Variants in ADAR observed in about 807,000 individuals in gnomAD.
ADAR encodes adenosine deaminase RNA specific.
A neutral mutation model predicts 113.2 loss-of-function variants in ADAR; 41 were observed. The ratio of observed to expected loss-of-function variants is 0.36; its 90% CI spans 0.28 to 0.47. The LOEUF is 0.47. Among genes scored for constraint, ADAR ranks in the 20% least tolerant of loss-of-function variants. The pLI is 1.00. For synonymous variants in ADAR, 605 were observed against 572.6 expected, an observed-to-expected ratio of 1.06 and a Z score of -0.81; for missense variants, 1,242 against 1,540.9, an observed-to-expected ratio of 0.81 and a Z score of 3.25.
Position 154,601,680 on chromosome 1 carries a change from T to C in ADAR, c.962A>G (p.Asn321Ser), listed in dbSNP as rs760376737. ...SDSSALNLAK[N>S]IGLTKARDIN... ...ATCTCGGGCCTTGGTAAGGCCAATA[T>C]TTTTAGCCAAATTCAGGGCAGAGGA... The change falls in exon 2 of 15, where the codon AAT (asparagine) becomes AGT (serine). Residue 321 changes from asparagine to serine, a missense_variant. Asn to Ser is a conservative substitution (Grantham distance 46). Around this residue, in one of 2 missense-constraint regions of ADAR, gnomAD observed 462 missense variants for 483.1 expected, o/e 0.96. Transcript: ENST00000368474. The surrounding 1 kb of genome is among the most constrained non-coding windows in gnomAD (Gnocchi z 4.7). 6.2e-5 allele frequency: 100 copies of C among 1,614,198 alleles called. No individual in the cohort carries two copies. Among genetic ancestry groups the C allele is most frequent in the Middle Eastern group, 1.6e-4 (1 of 6,062 alleles).
chr1:154,627,914 A>AGCCTCCCCCCCCCCCCC, exon 1 of ADAR: 5 of 463,270 alleles, frequency 1.1e-5, no homozygotes, highest in East Asian at 6.7e-5. Flanking sequence ...TGCGGCCGCG[A>AGCCTCCCCCCCCCCCCC]CCCTCCCCCC....
chr1:154,597,836 A>G lies in ADAR; in HGVS notation c.1926T>C (p.His642=), dbSNP rs150171059. The change falls in exon 4 of 15, where the codon CAT becomes CAC. Residue 642 remains histidine (H), a synonymous_variant. Coordinates refer to ENST00000368474, the MANE Select transcript of ADAR (RefSeq NM_001111.5). The part of the protein sequence containing the change: ...FRLLSKEGPA[H]EPKFQYCVAV... ...GGACACGTAGGACATACTTGGGTTC[A>G]TGGGCAGGGCCTTCTTTGGACAGGA... 2,670 of 1,614,142 alleles carry G rather than the reference A, an allele frequency of 1.7e-3. 9 individuals are homozygous for G. Among genetic ancestry groups the G allele is most frequent in the Middle Eastern group, 3.5e-3 (21 of 6,046 alleles).
At chr1:154,603,199 G>A (rs760423009) in intron 1 of ADAR, among the ~76,000 whole-genome samples, 1 of 152,200 alleles carries the variant, frequency 6.6e-6, no homozygotes, top group South Asian at 2.1e-4. Flanking sequence ...AATGTGATTG[G>A]ATGAAACTGA....
At position 154,596,806 on chromosome 1, in the gene ADAR, T is replaced by C. The variant is rs1358481822; in HGVS notation, c.2269A>G (p.Lys757Glu). Residue 757 changes from lysine to glutamate, a missense_variant and splice_region_variant, in exon 6 of 15, where the codon AAG becomes GAG. Coordinates refer to ENST00000368474, the MANE Select transcript of ADAR (RefSeq NM_001111.5). ...ATTAGCCAGGACTAGGACACTCACT[T>C]GGGCTCGTGAGGAGGTCCGGACTGG... ...VDQSGPPHEPKFVYQAKVGGR... is the reference protein window; with the variant it reads ...VDQSGPPHEPEFVYQAKVGGR... The C allele has an allele frequency of 6.2e-7, 1 of 1,612,920 alleles. No individual in the cohort carries two copies. The highest frequency in any genetic ancestry group is 8.5e-7 in the Non-Finnish European group (1 of 1,180,010).
At chr1:154,624,673 T>G (rs933908424) in intron 1 of ADAR, among the ~76,000 whole-genome samples, 3 of 152,240 alleles carry the variant, frequency 2.0e-5, no homozygotes, top group African/African-American at 7.2e-5. Context: ...TATTTTGAAC[T>G]CTTTATCCCT....
chr1:154,615,037 C>T (rs115163272), intron 1 of ADAR, among the ~76,000 whole-genome samples: 229 of 152,276 alleles, frequency 1.5e-3, no homozygotes, highest in African/African-American at 5.2e-3. Flanking sequence ...GCGACGCAGC[C>T]GCAACACAAG....
At position 154,584,779 on chromosome 1, in the gene ADAR, C is replaced by T. The variant is rs750890302; in HGVS notation, c.*27G>A. ...CTCTCTCACACCCTAGTATGACACA[C>T]CCTAATCCATCTGTCACTGGAGCAT... On this transcript the variant is annotated 3_prime_UTR_variant, in exon 15 of 15. Coordinates refer to ENST00000368474, the MANE Select transcript of ADAR (RefSeq NM_001111.5). The T allele has an allele frequency of 1.0e-5, 16 of 1,576,698 alleles. No individual in the cohort carries two copies. The highest frequency in any genetic ancestry group is 1.4e-5 in the Non-Finnish European group (16 of 1,147,034).
At position 154,601,241 on chromosome 1, in the gene ADAR, G is replaced by A. The variant is rs765068066; in HGVS notation, c.1401C>T (p.Arg467=). 66 of 1,614,226 alleles carry A rather than the reference G, an allele frequency of 4.1e-5. No individual in the cohort carries two copies. The highest frequency in any genetic ancestry group is 1.8e-4 in the East Asian group (8 of 44,888). ...TGGCTCGAAACTCACCTGGTGCTGC[G>A]CGGATACTATTCAAGTCATCTGGGA... The part of the protein sequence containing the change: ...DDIPDDLNSI[R]AAPGEFRAIM... Residue 467 remains arginine (R), a synonymous_variant, in exon 2 of 15, where the codon CGC becomes CGT. Transcript: ENST00000368474. This position sits in a 1 kb window ranked among gnomAD's most constrained non-coding sequence, Gnocchi z 4.7.
intron 8 of ADAR, 141 bp downstream of exon 8, chr1:154,589,616 A>C: frequency 8.1e-7 from 1 of 1,238,440 alleles, no homozygotes; most frequent in African/African-American, 1.5e-5. Context: ...CTAAGAACTC[A>C]TTCCTCACTC....
upstream of ADAR, chr1:154,608,652 A>G (rs1205229411): frequency 6.6e-6 from 1 of 152,466 alleles, no homozygotes; most frequent in Non-Finnish European, 1.5e-5. Context: ...GGTACTGTTT[A>G]GGAAAACCGC....
At position 154,597,287 on chromosome 1, in the gene ADAR, G is replaced by A. The variant is rs17843867; in HGVS notation, c.1935-20C>T. 735 of 1,614,024 alleles carry A rather than the reference G, an allele frequency of 4.6e-4. 8 individuals carry two copies. The East Asian group carries it at 0.015, about 32-fold the overall frequency. ...TGGAACCTGACAGGAGATGAAGCAC[G>A]TAGAAGGATTAAAATGGTTTTGACT... On this transcript the variant is annotated intron_variant, in intron 4 of 14. Coordinates refer to ENST00000368474, the MANE Select transcript of ADAR (RefSeq NM_001111.5).
chr1:154,589,104 T>C (rs773210077), intron 9 of ADAR, among the ~76,000 whole-genome samples: 10 of 152,220 alleles, frequency 6.6e-5, no homozygotes, highest in Non-Finnish European at 1.5e-4. Flanking sequence ...TTTGTGTTTT[T>C]AGAAAAGAAC....
In ADAR at chr1:154,602,343, C is replaced by G. The variant is rs753665712; in HGVS notation, c.299G>C (p.Arg100Thr). The G allele has an allele frequency of 4.3e-6, 7 of 1,610,164 alleles. No individual in the cohort carries two copies. In the South Asian group the frequency reaches 7.7e-5, roughly 18 times the overall value. ...GAACCCTCTCTGGAGCCCCTGACTT[C>G]TGAGATGCACGCCCCTGGGGACACC... ...IRGVPRGVHL[R>T]SQGLQRGFQH... Residue 100 changes from arginine (R) to threonine (T), a missense_variant, in exon 2 of 15, where the codon AGA becomes ACA. Physicochemically the swap from Arg to Thr is moderately conservative, Grantham distance 71. Around this residue, in one of 2 missense-constraint regions of ADAR, gnomAD observed 462 missense variants for 483.1 expected, o/e 0.96. Transcript: ENST00000368474.
Position 154,606,539 on chromosome 1 carries a change from T to C in ADAR, c.15+1453A>G, listed in dbSNP as rs527553301. On this transcript the variant is annotated intron_variant, in intron 1 of 14. Coordinates refer to ENST00000368474, the MANE Select transcript of ADAR (RefSeq NM_001111.5). ...ACAGAGAAAAGAAAGGAGATGTAAG[T>C]TTGCTAAGGATATCTTAGGGCAGTA... 2.0e-5 allele frequency among the ~76,000 whole-genome samples: 3 copies of C among 152,234 alleles called. No homozygotes were observed. The East Asian group carries it at 5.8e-4, about 29-fold the overall frequency.
intron 10 of ADAR, 81 bp downstream of exon 10, chr1:154,588,470 T>C: frequency 6.3e-7 from 1 of 1,591,348 alleles, no homozygotes; most frequent in South Asian, 1.1e-5. Context: ...AGGTTCGATT[T>C]ACAGGCCAGG....
intron 1 of ADAR, chr1:154,605,929 A>C: frequency 1.1e-6 from 1 of 917,992 alleles, no homozygotes. Flanking sequence ...CTTGGCCCAA[A>C]TCTGGAAAAT....
Position 154,601,785 on chromosome 1 carries a change from G to A in ADAR, c.857C>T (p.Ala286Val), listed in dbSNP as rs1209099138. 6.2e-7 allele frequency: 1 copy of A among 1,614,234 alleles called. No individual in the cohort carries two copies. Among genetic ancestry groups the A allele is most frequent in the African/African-American group, 1.3e-5 (1 of 75,054 alleles). ...TAAAAACTCAAGAGGATCTTCCAAG[G>A]CAGATGTGGAGTTGCTGTCTTCAGG... ...LEPEDSNSTS[A>V]LEDPLEFLDM... The change falls in exon 2 of 15, where the codon GCC becomes GTC. Residue 286 changes from alanine (A) to valine (V), a missense_variant. By Grantham distance (64) the Ala-to-Val change is moderately conservative. Coordinates refer to ENST00000368474, the MANE Select transcript of ADAR (RefSeq NM_001111.5). This position sits in a 1 kb window ranked among gnomAD's most constrained non-coding sequence, Gnocchi z 4.7.
chr1:154,608,022 T>G lies in ADAR; in HGVS notation c.-16A>C. 6.3e-7 allele frequency: 1 copy of G among 1,586,094 alleles called. No homozygotes were observed. Among genetic ancestry groups the G allele is most frequent in the Non-Finnish European group, 8.6e-7 (1 of 1,165,610 alleles). On this transcript the variant is annotated 5_prime_UTR_variant, in exon 1 of 15. It removes an upstream start codon present in the reference 5' UTR. Coordinates refer to ENST00000368474, the MANE Select transcript of ADAR (RefSeq NM_001111.5). ...GCGGATTCATTGCGCCCGCGAGGCA[T>G]TGCCCGGCCCGACCCGCCGGCGGCA...
intron 1 of ADAR, among the ~76,000 whole-genome samples, chr1:154,617,077 C>G (rs910324256): frequency 1.9e-4 from 29 of 152,214 alleles, no homozygotes; most frequent in Non-Finnish European, 3.7e-4. Flanking sequence ...GCACTATTAT[C>G]CTGACTCATA....
Sources: allele counts gnomAD v4.1 joint callset (sites outside exome capture counted in the v4.1 genomes callset), GRCh38; gene constraint gnomAD v4.1.1; regional missense constraint gnomAD v4.1.1; non-coding constraint Gnocchi (gnomAD v3.1); transcripts MANE v1.5; gene names NCBI Gene and HGNC (gene_info 2026-07-23, HGNC 2026-07-21).